Variants in EREG observed in about 807,000 individuals in gnomAD.
EREG encodes epiregulin, also known as proepiregulin.
In EREG, 23 loss-of-function variants were observed where a neutral mutation model predicts 22.4. The ratio of observed to expected loss-of-function variants is 1.03; its 90% CI spans 0.74 to 1.46. The LOEUF is 1.46. Among genes scored for constraint, EREG ranks in the 40% most tolerant of loss-of-function variants. EREG has a pLI of 0.00. For synonymous variants in EREG, 100 were observed against 75.4 expected (o/e 1.33, Z -1.69); for missense variants, 226 against 205.9 (o/e 1.10, Z -0.60).
chr4:74,379,802 C>T (rs1052135111), intron 2 of EREG, among the ~76,000 whole-genome samples: 6 of 152,058 alleles, frequency 3.9e-5, no homozygotes, highest in African/African-American at 7.2e-5. Context: ...TCCCTTTGGC[C>T]GTCTCCTGGC....
chr4:74,381,867 C>T (rs1456866321), intron 3 of EREG: 2 of 150,184 alleles, frequency 1.3e-5, no homozygotes, highest in African/African-American at 4.9e-5. Context: ...CGCCTGAAGT[C>T]CCAGCTACTC....
intron 1 of EREG, among the ~76,000 whole-genome samples, chr4:74,378,262 C>T (rs10518124): frequency 0.011 from 1,655 of 152,142 alleles, 17 homozygotes; most frequent in African/African-American, 0.024. Context: ...GGAGAATTTT[C>T]AGGAGTAGGA....
chr4:74,371,071 T>G (rs1047566594), intron 1 of EREG, among the ~76,000 whole-genome samples: 4 of 152,266 alleles, frequency 2.6e-5, no homozygotes, highest in African/African-American at 9.6e-5. Context: ...ACAACCATCA[T>G]AGTCTCCAGA....
At chr4:74,379,373 C>A in intron 1 of EREG, 75 bp from the exon 2 acceptor site, 1 of 880,616 alleles carries the variant, frequency 1.1e-6, no homozygotes, top group Non-Finnish European at 1.9e-6. Context: ...ATAAGTACTG[C>A]AGTTATGTAG....
At chr4:74,384,339 G>A (rs542354878) in intron 4 of EREG, among the ~76,000 whole-genome samples, 1 of 152,184 alleles carries the variant, frequency 6.6e-6, no homozygotes, top group Non-Finnish European at 1.5e-5. Context: ...GTGATGGAAA[G>A]AGTGTATTAA....
chr4:74,366,730 C>A (rs914951151), intron 1 of EREG, among the ~76,000 whole-genome samples: 1 of 152,138 alleles, frequency 6.6e-6, no homozygotes, highest in African/African-American at 2.4e-5. Flanking sequence ...CTGTGAATAA[C>A]CTGGTTACTA....
chr4:74,369,477 G>C (rs1323947119), intron 1 of EREG, among the ~76,000 whole-genome samples: 1 of 152,016 alleles, frequency 6.6e-6, no homozygotes, highest in Non-Finnish European at 1.5e-5. Context: ...TGGAATAATG[G>C]CCTCCAGCTC....
chr4:74,367,617 G>T (rs570231848), intron 1 of EREG, among the ~76,000 whole-genome samples: 4 of 152,250 alleles, frequency 2.6e-5, no homozygotes, highest in African/African-American at 9.6e-5. Context: ...TTAAGCAGAA[G>T]AAATATTCTT....
chr4:74,377,466 C>T (rs1752401465), intron 1 of EREG, among the ~76,000 whole-genome samples: 2 of 152,256 alleles, frequency 1.3e-5, no homozygotes, highest in South Asian at 4.1e-4. Context: ...GTTATTTAAA[C>T]TCTTTATGCT....
At chr4:74,366,000 TG>T (rs1344156880) in intron 1 of EREG, among the ~76,000 whole-genome samples, 1 of 152,150 alleles carries the variant, frequency 6.6e-6, no homozygotes, top group Non-Finnish European at 1.5e-5. Context: ...CCCCTACACC[TG>T]CTGCTTGCGT....
intron 4 of EREG, among the ~76,000 whole-genome samples, 156 bp from the exon 5 acceptor site, chr4:74,384,570 CT>C (rs5859426): frequency 0.77 from 108,221 of 141,370 alleles, 41,350 homozygotes; most frequent in African/African-American, 0.81. Context: ...CTTCATCCCT[CT>C]TTTTTTTTTT....
chr4:74,365,806 A>C (rs1016132314), intron 1 of EREG, among the ~76,000 whole-genome samples: 2 of 152,050 alleles, frequency 1.3e-5, no homozygotes, highest in Non-Finnish European at 2.9e-5. Flanking sequence ...GGGGGGAAAA[A>C]GCTTTTCTCC....
chr4:74,374,097 A>G (rs1026619830), intron 1 of EREG, among the ~76,000 whole-genome samples: 1 of 152,200 alleles, frequency 6.6e-6, no homozygotes, highest in Non-Finnish European at 1.5e-5. Flanking sequence ...GGATTTTGCT[A>G]TGTGTTTGGG....
chr4:74,368,642 T>C (rs2110382953), intron 1 of EREG, among the ~76,000 whole-genome samples: 1 of 152,370 alleles, frequency 6.6e-6, no homozygotes, highest in East Asian at 1.9e-4. Context: ...GAATCTCCCA[T>C]TTCCTGGTTA....
At position 74,384,893 on chromosome 4, in the gene EREG, G is replaced by C; in HGVS notation, c.*85G>C. 5 of 783,662 alleles carry C rather than the reference G, an allele frequency of 6.4e-6. No homozygotes were observed. Among genetic ancestry groups the C allele is most frequent in the Non-Finnish European group, 1.1e-5 (5 of 470,660 alleles). The allele number at this position is 783,662 out of a possible 1,614,324, so 48.5% of individuals were successfully genotyped here. ...CATTTTATTAATAATATTTATGTTGGGTCAAGTGTTAGGTCAATAACACTG... is the reference window on the plus strand; with the variant it reads ...CATTTTATTAATAATATTTATGTTGCGTCAAGTGTTAGGTCAATAACACTG... On this transcript the variant is annotated 3_prime_UTR_variant, in exon 5 of 5. Coordinates refer to ENST00000244869, the MANE Select transcript of EREG (RefSeq NM_001432.3).
rs72859349 is a variant in EREG, at chr4:74,376,660, T to A, written c.68-2788T>A. Among the ~76,000 whole-genome samples, 195 of 152,290 alleles carry A rather than the reference T, an allele frequency of 1.3e-3. 1 individual carries two copies. The highest frequency in any genetic ancestry group is 4.5e-3 in the African/African-American group (186 of 41,574). The stretch of plus-strand genomic sequence containing the variant: ...TCCACAAGAGCAATTGAAGCAGCAT[T>A]TATATTGTAGAAAAAGCATGGAGTG... On this transcript the variant is annotated intron_variant, in intron 1 of 4. Transcript: ENST00000244869.
chr4:74,385,872 A>G lies in EREG; in HGVS notation c.*1064A>G. On this transcript the variant is annotated 3_prime_UTR_variant, in exon 5 of 5. Transcript: ENST00000244869. ...CAGTAAATGGCTTCTTCTAGAATGT[A>G]AAGTTATGTATTTAAAGTTGTATCT... 2.5e-6 allele frequency: 1 copy of G among 396,866 alleles called. No individual in the cohort carries two copies. Among genetic ancestry groups the G allele is most frequent in the Non-Finnish European group, 4.4e-6 (1 of 224,924 alleles). 24.6% of individuals were successfully genotyped at this position (396,866 alleles called of 1,614,324 possible).
chr4:74,372,213 A>G (rs899200928), intron 1 of EREG, among the ~76,000 whole-genome samples: 2 of 152,208 alleles, frequency 1.3e-5, no homozygotes, highest in Non-Finnish European at 1.5e-5. Context: ...ATATTTTCAT[A>G]AACTATATTA....
chr4:74,384,613 A>G, intron 4 of EREG, 114 bp from the exon 5 acceptor site: 2 of 564,170 alleles, frequency 3.5e-6, no homozygotes, highest in Non-Finnish European at 6.4e-6. Context: ...AAATCTGTTC[A>G]ACTTTGTCAT....
Sources: gnomAD v4.1 joint callset for allele counts (sites outside exome capture counted in the v4.1 genomes callset) on GRCh38, gnomAD v4.1.1 for gene constraint, MANE v1.5 for transcripts, NCBI Gene and HGNC (gene_info 2026-07-23, HGNC 2026-07-21) for gene names.